The following GAK variants were observed in gnomAD, a reference collection of about 807,000 sequenced individuals.
GAK encodes the protein cyclin G associated kinase.
In GAK, 79 loss-of-function variants were observed where a neutral mutation model predicts 143.9. The ratio of observed to expected loss-of-function variants is 0.55; its 90% CI spans 0.46 to 0.66. The LOEUF is 0.66. GAK is among the 30% of genes least tolerant of loss of function. The pLI is 0.00. For missense variants in GAK, 1,693 were observed against 1,779.7 expected (o/e 0.95, Z 0.88); for synonymous variants, 881 against 765.5 (o/e 1.15, Z -2.49).
intron 1 of GAK, among the ~76,000 whole-genome samples, chr4:921,484 C>G (rs1429256937): frequency 6.6e-6 from 1 of 152,136 alleles, no homozygotes; most frequent in African/African-American, 2.4e-5. Flanking sequence ...AAATGCCAGC[C>G]ACATACAGTA....
At chr4:898,531 A>G (rs1719244667) in intron 5 of GAK, among the ~76,000 whole-genome samples, 3 of 152,228 alleles carry the variant, frequency 2.0e-5, no homozygotes, top group Admixed American at 2.0e-4. Context: ...AAAATTAAAA[A>G]CCACCCATAA....
chr4:890,097 G>A (rs1203479767), intron 10 of GAK, among the ~76,000 whole-genome samples: 1 of 152,232 alleles, frequency 6.6e-6, no homozygotes, highest in Non-Finnish European at 1.5e-5. Context: ...AAGGAACCTG[G>A]GATGCCCCCT....
At chr4:884,192 C>A in intron 11 of GAK, 106 bp from the exon 12 acceptor site, 1 of 918,060 alleles carries the variant, frequency 1.1e-6, no homozygotes, top group Non-Finnish European at 1.7e-6. Context: ...GGGGCTCTCA[C>A]TGTAGAGGCC....
chr4:866,973 C>T lies in GAK; in HGVS notation c.2855G>A (p.Gly952Glu). ...ACACGTACCAGCGGCAGGGGGCCCT[C>T]CTCTTGGGGTGCTCTGCACGCTCAG... is the stretch of plus-strand genomic sequence containing the variant. ...PPLSVQSTPR[G>E]GPPAAADPFG... The change falls in exon 21 of 28, where the codon GGA becomes GAA. Residue 952 changes from glycine (G) to glutamate (E), a missense_variant. By Grantham distance (98) the Gly-to-Glu change is moderately conservative. Transcript: ENST00000314167. The T allele has an allele frequency of 3.4e-6, 5 of 1,491,816 alleles. No individual in the cohort carries two copies. Among genetic ancestry groups the T allele is most frequent in the Non-Finnish European group, 4.5e-6 (5 of 1,120,946 alleles). 92.4% of individuals were successfully genotyped at this position (1,491,816 alleles called of 1,614,324 possible). A position where few individuals can be genotyped will look rare whatever the true frequency, so the allele number is the denominator to read the frequency against.
At chr4:883,030 A>C in intron 13 of GAK, among the ~76,000 whole-genome samples, 1 of 152,204 alleles carries the variant, frequency 6.6e-6, no homozygotes, top group South Asian at 2.1e-4. Context: ...GTCCCTTTGC[A>C]TACTGACAAG....
At chr4:894,152 CT>C in intron 7 of GAK, 143 bp from the exon 8 acceptor site, 4 of 933,220 alleles carry the variant, frequency 4.3e-6, no homozygotes, top group Non-Finnish European at 6.0e-6. Context: ...AGGGGTGACA[CT>C]GGGGACTGCA....
In GAK at chr4:850,031, C is replaced by T. The variant is rs1474198194; in HGVS notation, c.3695G>A (p.Arg1232Gln). Residue 1232 changes from arginine (R) to glutamine (Q), a missense_variant, in exon 27 of 28, where the codon CGG becomes CAG. This residue lies in a region of GAK where 822 missense variants were observed against 788.7 expected (regional missense o/e 1.04). Coordinates refer to ENST00000314167, the MANE Select transcript of GAK (RefSeq NM_005255.4). The stretch of plus-strand genomic sequence containing the variant: ...TGTGTGCAGCGTGGACAGCAGGGCC[C>T]GGATGTTCCGCTCCTTGCCCTCAAT... ...DWIEGKERNI[R>Q]ALLSTLHTVL... 2 of 1,600,838 alleles carry T rather than the reference C, an allele frequency of 1.2e-6. No individual in the cohort carries two copies. The highest frequency in any genetic ancestry group is 1.7e-6 in the Non-Finnish European group (2 of 1,172,030).
intron 1 of GAK, among the ~76,000 whole-genome samples, chr4:928,471 C>T (rs961027845): frequency 2.0e-5 from 3 of 152,204 alleles, no homozygotes; most frequent in Admixed American, 6.5e-5. Flanking sequence ...TTCAAGGCTG[C>T]AGTGAGTCGT....
In GAK at chr4:905,476, A is replaced by ACGC. The variant is rs1560410184; in HGVS notation, c.383-698_383-697insGCG. ...TAGGGGCTCCGCCACGCCCCATGCCATGCTACGGACTCCGCCACGCCCCAT... is the reference window on the plus strand; with the variant it reads ...TAGGGGCTCCGCCACGCCCCATGCCACGCTGCTACGGACTCCGCCACGCCCCAT... On this transcript the variant is annotated intron_variant, in intron 4 of 27. Transcript: ENST00000314167. 1.2e-3 allele frequency among the ~76,000 whole-genome samples: 163 copies of ACGC among 141,388 alleles called. 30 individuals are homozygous for ACGC. Among genetic ancestry groups the ACGC allele is most frequent in the African/African-American group, 4.0e-3 (141 of 35,138 alleles). 92.8% of individuals were successfully genotyped at this position (141,388 alleles called of 152,430 possible).
intron 1 of GAK, among the ~76,000 whole-genome samples, chr4:921,017 T>C (rs564481343): frequency 3.3e-5 from 5 of 152,350 alleles, no homozygotes; most frequent in South Asian, 2.1e-4. Flanking sequence ...CTATGTGGTA[T>C]TGGCAGAGGG....
At chr4:860,071 C>A (rs1024271200) in intron 23 of GAK, among the ~76,000 whole-genome samples, 1 of 152,124 alleles carries the variant, frequency 6.6e-6, no homozygotes, top group African/African-American at 2.4e-5. Flanking sequence ...TTGAGAATAT[C>A]CTAAGTATAA....
In GAK at chr4:850,113, C is replaced by G. The variant is rs200071850; in HGVS notation, c.3658-45G>C. The G allele has an allele frequency of 8.1e-4, 1,227 of 1,513,424 alleles. 12 individuals are homozygous for G. The African/African-American group carries it at 0.015, about 19-fold the overall frequency. The allele number at this position is 1,513,424 out of a possible 1,614,324, so 93.7% of individuals were successfully genotyped here. A position where few individuals can be genotyped will look rare whatever the true frequency, so the allele number is the denominator to read the frequency against. Reference sequence around the variant, plus strand: ...TGCCGAGCCCTGGGCACCTGCCTGCCCTCCTCCTCTGCACCGCGGAAACTG... The same window carrying G: ...TGCCGAGCCCTGGGCACCTGCCTGCGCTCCTCCTCTGCACCGCGGAAACTG... On this transcript the variant is annotated intron_variant, in intron 26 of 27. Coordinates refer to ENST00000314167, the MANE Select transcript of GAK (RefSeq NM_005255.4).
chr4:901,156 T>A (rs1719794535), intron 5 of GAK, among the ~76,000 whole-genome samples: 1 of 152,254 alleles, frequency 6.6e-6, no homozygotes, highest in African/African-American at 2.4e-5. Context: ...GGAAGCTGCC[T>A]GCCAGAGCCT....
intron 4 of GAK, among the ~76,000 whole-genome samples, chr4:910,768 G>T (rs113249825): frequency 2.0e-5 from 3 of 151,494 alleles, no homozygotes; most frequent in Non-Finnish European, 4.4e-5. Flanking sequence ...CAGACGCAGG[G>T]GTCACTAGTG....
Position 882,065 on chromosome 4 carries a change from G to A in GAK, c.1528-25C>T, listed in dbSNP as rs9684930. The A allele has an allele frequency of 7.8e-4, 1,237 of 1,579,552 alleles. 9 individuals carry two copies. The African/African-American group carries it at 0.012, about 16-fold the overall frequency. Reference sequence around the variant, plus strand: ...CCTAGGACAGACAGACACGTCTCGCGTGCGCCTCGCACTCATGCAGGACAA... The same window carrying A: ...CCTAGGACAGACAGACACGTCTCGCATGCGCCTCGCACTCATGCAGGACAA... On this transcript the variant is annotated intron_variant, in intron 14 of 27. Transcript: ENST00000314167.
At chr4:891,298 T>C (rs1235816761) in intron 9 of GAK, among the ~76,000 whole-genome samples, 1 of 149,232 alleles carries the variant, frequency 6.7e-6, no homozygotes, top group African/African-American at 2.5e-5. Flanking sequence ...GGAGTCTCAC[T>C]CTGTCTCCCA....
intron 24 of GAK, chr4:853,252 G>A (rs937681711): frequency 3.3e-5 from 5 of 152,288 alleles, no homozygotes; most frequent in Admixed American, 6.5e-5. Context: ...GTGGTGTGCA[G>A]ACCACCTATT....
intron 1 of GAK, among the ~76,000 whole-genome samples, chr4:914,554 C>T (rs1280928736): frequency 1.9e-5 from 2 of 103,460 alleles, no homozygotes; most frequent in Non-Finnish European, 3.8e-5. Context: ...ACAGCCCCAG[C>T]GTGCACGGCC....
Position 884,017 on chromosome 4 carries a change from G to A in GAK, c.1255+20C>T, listed in dbSNP as rs1319283381. ...GGGAAGGGCCGGGGCGCGTCCCACA[G>A]CCTCATGTGGCACGCATACCTGCAA... On this transcript the variant is annotated intron_variant, in intron 12 of 27. Coordinates refer to ENST00000314167, the MANE Select transcript of GAK (RefSeq NM_005255.4). 2.5e-6 allele frequency: 4 copies of A among 1,610,652 alleles called. No homozygotes were observed. Among genetic ancestry groups the A allele is most frequent in the Non-Finnish European group, 3.4e-6 (4 of 1,177,092 alleles).
Sources: gnomAD v4.1 joint callset for allele counts (sites outside exome capture counted in the v4.1 genomes callset) on GRCh38, gnomAD v4.1.1 for gene constraint, gnomAD v4.1.1 regional missense constraint, MANE v1.5 for transcripts, NCBI Gene and HGNC (gene_info 2026-07-23, HGNC 2026-07-21) for gene names.